The following STX18 variants were observed in gnomAD, a reference collection of about 807,000 sequenced individuals.
STX18 encodes syntaxin-18.
STX18 carries 40 observed loss-of-function variants against 50.1 expected under a neutral mutation model. The observed-to-expected ratio is 0.80, with a 90% CI of 0.62 to 1.04. The LOEUF (loss-of-function observed/expected upper bound fraction) is 1.04. STX18 is among the 50% of genes least tolerant of loss of function. STX18 has a pLI of 0.00. For synonymous variants in STX18, 158 were observed against 151.8 expected (o/e 1.04, Z -0.30); for missense variants, 410 against 415.8 (o/e 0.99, Z 0.12).
At chr4:4,505,814 G>A (rs1729677435) in intron 1 of STX18, among the ~76,000 whole-genome samples, 1 of 152,046 alleles carries the variant, frequency 6.6e-6, no homozygotes, top group Non-Finnish European at 1.5e-5. Context: ...AAAAATCGAA[G>A]TATGGTTTCT....
chr4:4,473,361 C>T (rs1199452104), intron 1 of STX18, among the ~76,000 whole-genome samples: 6 of 148,894 alleles, frequency 4.0e-5, no homozygotes, highest in Admixed American at 2.0e-4. Flanking sequence ...GGTGCCATCT[C>T]GGCTCAGTGC....
At chr4:4,506,220 T>C (rs570870937) in intron 1 of STX18, among the ~76,000 whole-genome samples, 2 of 152,362 alleles carry the variant, frequency 1.3e-5, no homozygotes, top group South Asian at 2.1e-4. Context: ...TGAAAATGTA[T>C]GCTCATGCAA....
Position 4,459,408 on chromosome 4 carries a change from T to A in STX18, c.316A>T (p.Thr106Ser). Residue 106 changes from threonine to serine, a missense_variant, in exon 3 of 11, where the codon ACC (threonine) becomes TCC (serine). Physicochemically the swap from Thr to Ser is moderately conservative, Grantham distance 58. Coordinates refer to ENST00000306200, the MANE Select transcript of STX18 (RefSeq NM_016930.4). ...IDQDAQIFMR[T>S]CSEAIQQLRT... is the part of the protein sequence containing the mutation. Reference sequence around the variant, plus strand: ...AGTTGCTGAATTGCTTCTGAACAGGTCCTCATGAATATCTGGGCATCCTGG... The same window carrying A: ...AGTTGCTGAATTGCTTCTGAACAGGACCTCATGAATATCTGGGCATCCTGG... 1 of 1,614,156 alleles carries A rather than the reference T, an allele frequency of 6.2e-7. No individual in the cohort carries two copies. Among genetic ancestry groups the A allele is most frequent in the South Asian group, 1.1e-5 (1 of 91,080 alleles).
intron 5 of STX18, among the ~76,000 whole-genome samples, chr4:4,438,812 C>T (rs36184218): frequency 0.079 from 11,954 of 151,896 alleles, 507 homozygotes; most frequent in African/African-American, 0.12. Context: ...ACTGACACAC[C>T]GCACTCAACA....
At chr4:4,427,657 G>A (rs1725317507) in intron 7 of STX18, among the ~76,000 whole-genome samples, 1 of 152,176 alleles carries the variant, frequency 6.6e-6, no homozygotes, top group Admixed American at 6.5e-5. Context: ...GGTTTGGGGT[G>A]ATTCATTCCT....
At chr4:4,513,539 T>A (rs1375685248) in intron 1 of STX18, among the ~76,000 whole-genome samples, 1 of 152,188 alleles carries the variant, frequency 6.6e-6, no homozygotes, top group African/African-American at 2.4e-5. Flanking sequence ...TCTTGGATCT[T>A]ATGGTTGCTT....
intron 5 of STX18, among the ~76,000 whole-genome samples, chr4:4,452,828 C>T (rs1201198899): frequency 2.0e-5 from 3 of 152,144 alleles, no homozygotes; most frequent in Non-Finnish European, 2.9e-5. Context: ...TAAGAACATT[C>T]GTGATTCATG....
At chr4:4,468,027 A>T (rs749724309) in intron 2 of STX18, among the ~76,000 whole-genome samples, 5 of 152,234 alleles carry the variant, frequency 3.3e-5, no homozygotes, top group Non-Finnish European at 7.3e-5. Flanking sequence ...CATCATTCTC[A>T]TTAGAGAAGG....
At chr4:4,423,730 A>G in intron 8 of STX18, 143 bp from the exon 9 acceptor site, 1 of 789,442 alleles carries the variant, frequency 1.3e-6, no homozygotes, top group East Asian at 2.7e-5. Context: ...GGAAGAGGAG[A>G]TGGGAGAGGA....
chr4:4,459,698 G>A (rs1272210129), intron 2 of STX18, among the ~76,000 whole-genome samples: 2 of 152,144 alleles, frequency 1.3e-5, no homozygotes, highest in Non-Finnish European at 2.9e-5. Context: ...AAAATCCTCC[G>A]GAATAGACCC....
chr4:4,531,865 C>A (rs540929517), intron 1 of STX18, among the ~76,000 whole-genome samples: 9 of 152,250 alleles, frequency 5.9e-5, no homozygotes, highest in Non-Finnish European at 1.2e-4. Context: ...AAACAAAAAA[C>A]AAACTACATT....
chr4:4,483,732 C>T (rs1728565596), intron 1 of STX18, among the ~76,000 whole-genome samples: 1 of 152,206 alleles, frequency 6.6e-6, no homozygotes, highest in Admixed American at 6.5e-5. Flanking sequence ...CACTGCCTCT[C>T]CCTGGCCATC....
intron 1 of STX18, among the ~76,000 whole-genome samples, chr4:4,530,401 A>C (rs554066064): frequency 1.3e-5 from 2 of 151,080 alleles, no homozygotes; most frequent in Non-Finnish European, 3.0e-5. Flanking sequence ...ATAATAATAT[A>C]TAATTCTCAT....
At chr4:4,480,335 C>A (rs1728396497) in intron 1 of STX18, among the ~76,000 whole-genome samples, 1 of 152,216 alleles carries the variant, frequency 6.6e-6, no homozygotes, top group East Asian at 1.9e-4. Flanking sequence ...CCCACATCCT[C>A]ATGCCCAAGG....
intron 1 of STX18, among the ~76,000 whole-genome samples, chr4:4,498,290 G>A (rs1261127828): frequency 1.3e-5 from 2 of 152,090 alleles, no homozygotes; most frequent in Non-Finnish European, 2.9e-5. Context: ...TAGATTTGCA[G>A]TGACTTTTCT....
chr4:4,490,458 C>G (rs1728894536), intron 1 of STX18, among the ~76,000 whole-genome samples: 1 of 152,154 alleles, frequency 6.6e-6, no homozygotes, highest in African/African-American at 2.4e-5. Context: ...TTTTAAATTT[C>G]TATTCATTCT....
chr4:4,423,129 A>G (rs775237122), intron 9 of STX18, among the ~76,000 whole-genome samples: 1 of 152,230 alleles, frequency 6.6e-6, no homozygotes, highest in African/African-American at 2.4e-5. Flanking sequence ...TTCTGCAGTT[A>G]TCTCTCAAAC....
At chr4:4,436,815 TC>T (rs1400007206) in intron 6 of STX18, among the ~76,000 whole-genome samples, 1 of 152,188 alleles carries the variant, frequency 6.6e-6, no homozygotes, top group Non-Finnish European at 1.5e-5. Context: ...GCTTCACTGA[TC>T]CCCACGGGTC....
intron 1 of STX18, among the ~76,000 whole-genome samples, chr4:4,520,199 G>A (rs573717933): frequency 7.1e-4 from 108 of 152,208 alleles, no homozygotes; most frequent in African/African-American, 2.5e-3. Context: ...TGCTCATAAC[G>A]AATTATGCTG....
Sources: gnomAD v4.1 joint callset for allele counts (sites outside exome capture counted in the v4.1 genomes callset) on GRCh38, gnomAD v4.1.1 for gene constraint, MANE v1.5 for transcripts, NCBI Gene and HGNC (gene_info 2026-07-23, HGNC 2026-07-21) for gene names.